The following LRP1B variants were observed in gnomAD, a reference collection of about 807,000 sequenced individuals.
LRP1B encodes LDL receptor related protein 1B.
Under a neutral mutation model 556.6 loss-of-function variants are expected in LRP1B, and 217 were observed. That is an observed-to-expected ratio of 0.39 (90% CI 0.35 to 0.44). The LOEUF is 0.44. Among genes scored for constraint, LRP1B ranks in the 20% least tolerant of loss-of-function variants. LRP1B has a pLI of 1.00. For missense variants in LRP1B, 5,053 were observed against 5,620.8 expected (o/e 0.90, Z 3.23); for synonymous variants, 2,047 against 1,865.8 (o/e 1.10, Z -2.50).
intron 66 of LRP1B, among the ~76,000 whole-genome samples, chr2:140,421,940 T>A (rs1476293692): frequency 6.6e-6 from 1 of 152,202 alleles, no homozygotes; most frequent in Non-Finnish European, 1.5e-5. Context: ...AAGGGGCAAC[T>A]CAGTGTGCAG....
At chr2:140,493,676 T>A (rs1269513200) in intron 56 of LRP1B, among the ~76,000 whole-genome samples, 1 of 152,142 alleles carries the variant, frequency 6.6e-6, no homozygotes, top group African/African-American at 2.4e-5. Flanking sequence ...AGTAATCACA[T>A]AATTGAATGT....
chr2:141,701,270 T>C (rs2105462454), intron 2 of LRP1B, among the ~76,000 whole-genome samples: 1 of 152,012 alleles, frequency 6.6e-6, no homozygotes, highest in East Asian at 1.9e-4. Context: ...TCTGGTCCTC[T>C]AACCACACTT....
chr2:141,763,034 C>T (rs989830448), intron 2 of LRP1B, among the ~76,000 whole-genome samples: 3 of 152,134 alleles, frequency 2.0e-5, no homozygotes, highest in Non-Finnish European at 2.9e-5. Flanking sequence ...GTGTATTCTG[C>T]TTGGCTAAAT....
intron 41 of LRP1B, among the ~76,000 whole-genome samples, chr2:140,675,077 A>G (rs1000162809): frequency 1.3e-5 from 2 of 152,156 alleles, no homozygotes; most frequent in Non-Finnish European, 2.9e-5. Flanking sequence ...TTTTATCATC[A>G]TATCACCTTT....
At chr2:140,269,792 G>T (rs1226408653) in intron 86 of LRP1B, among the ~76,000 whole-genome samples, 1 of 151,800 alleles carries the variant, frequency 6.6e-6, no homozygotes, top group Non-Finnish European at 1.5e-5. Context: ...GGAGCCAGGG[G>T]CTTAATAGGT....
chr2:141,604,378 A>G (rs565833543), intron 2 of LRP1B, among the ~76,000 whole-genome samples: 5 of 152,278 alleles, frequency 3.3e-5, no homozygotes, highest in African/African-American at 1.2e-4. Flanking sequence ...TAAGCACGGT[A>G]AAATAAGGGA....
chr2:140,378,128 C>A, intron 68 of LRP1B, 52 bp downstream of exon 68: 2 of 1,203,700 alleles, frequency 1.7e-6, no homozygotes, highest in South Asian at 1.3e-5. Flanking sequence ...ATAATAATTA[C>A]AAATGTGGTT....
chr2:140,373,749 C>T (rs954344025), intron 68 of LRP1B, among the ~76,000 whole-genome samples: 1 of 152,094 alleles, frequency 6.6e-6, no homozygotes, highest in African/African-American at 2.4e-5. Context: ...TACCACTGCA[C>T]TCGAGTCTAG....
intron 7 of LRP1B, among the ~76,000 whole-genome samples, chr2:141,125,844 C>CAAAAAAAA (rs386391362): frequency 3.2e-4 from 33 of 102,084 alleles, no homozygotes; most frequent in Non-Finnish European, 4.4e-4. Context: ...CTTTCAAATG[C>CAAAAAAAA]AAAAAAAAAA....
intron 1 of LRP1B, among the ~76,000 whole-genome samples, chr2:142,006,085 T>C (rs1334465508): frequency 1.3e-5 from 2 of 152,114 alleles, no homozygotes; most frequent in Non-Finnish European, 2.9e-5. Context: ...TTCCCTTCTC[T>C]CTTTTCCTGT....
chr2:141,096,463 C>T (rs1267713249), intron 7 of LRP1B, among the ~76,000 whole-genome samples: 1 of 152,032 alleles, frequency 6.6e-6, no homozygotes, highest in Non-Finnish European at 1.5e-5. Flanking sequence ...TGATGCATGC[C>T]TGTAATCCCA....
At chr2:141,695,494 T>C (rs1691705236) in intron 2 of LRP1B, among the ~76,000 whole-genome samples, 1 of 151,954 alleles carries the variant, frequency 6.6e-6, no homozygotes, top group South Asian at 2.1e-4. Context: ...AAAGCAAGTA[T>C]TGTTATCCCC....
chr2:141,146,588 C>T (rs1246884660), intron 7 of LRP1B, among the ~76,000 whole-genome samples: 1 of 152,014 alleles, frequency 6.6e-6, no homozygotes, highest in Non-Finnish European at 1.5e-5. Flanking sequence ...GTAGAATATC[C>T]CTGCTTTATT....
At chr2:140,464,489 T>A (rs191908741) in intron 60 of LRP1B, among the ~76,000 whole-genome samples, 19 of 152,314 alleles carry the variant, frequency 1.2e-4, no homozygotes, top group African/African-American at 4.3e-4. Context: ...GTATTCCTGT[T>A]AATGAATGTG....
intron 2 of LRP1B, among the ~76,000 whole-genome samples, chr2:141,640,506 G>T (rs548213810): frequency 3.3e-5 from 5 of 152,146 alleles, no homozygotes; most frequent in African/African-American, 1.2e-4. Context: ...TCAGAAAGAG[G>T]CTGGGCACGG....
chr2:141,912,679 A>G (rs551182160), intron 1 of LRP1B, among the ~76,000 whole-genome samples: 1 of 152,320 alleles, frequency 6.6e-6, no homozygotes, highest in South Asian at 2.1e-4. Flanking sequence ...CTTGTTTCTT[A>G]AAAGTGGAAG....
intron 33 of LRP1B, among the ~76,000 whole-genome samples, chr2:140,771,677 A>G (rs1559109583): frequency 6.6e-6 from 1 of 152,194 alleles, no homozygotes; most frequent in Non-Finnish European, 1.5e-5. Flanking sequence ...AAGATGTTCC[A>G]TTGAATTTAC....
chr2:141,461,422 A>G (rs1681866775), intron 3 of LRP1B, among the ~76,000 whole-genome samples: 1 of 152,206 alleles, frequency 6.6e-6, no homozygotes, highest in African/African-American at 2.4e-5. Flanking sequence ...AATAGAGATG[A>G]AAAGTAGTAG....
chr2:140,326,108 T>A (rs1180681350), intron 79 of LRP1B, among the ~76,000 whole-genome samples: 1 of 152,100 alleles, frequency 6.6e-6, no homozygotes, highest in Non-Finnish European at 1.5e-5. Context: ...CTAGCAAAAG[T>A]CTTATTTCAC....
Sources: allele counts gnomAD v4.1 joint callset (sites outside exome capture counted in the v4.1 genomes callset), GRCh38; gene constraint gnomAD v4.1.1; transcripts MANE v1.5; gene names NCBI Gene and HGNC (gene_info 2026-07-23, HGNC 2026-07-21).